Variants in TMEM41B observed in about 807,000 individuals in gnomAD.
The protein encoded by TMEM41B is transmembrane protein 41B, also known as protein stasimon.
A neutral mutation model predicts 31.9 loss-of-function variants in TMEM41B; 18 were observed. The observed-to-expected ratio is 0.56, with a 90% confidence interval of 0.39 to 0.84. The LOEUF is 0.84. Among genes scored for constraint, TMEM41B ranks in the 40% least tolerant of loss-of-function variants. The pLI is 0.00. For missense variants in TMEM41B, 322 were observed against 348.0 expected (o/e 0.93, Z 0.59); for synonymous variants, 144 against 124.3 (o/e 1.16, Z -1.05).
At chr11:9,307,448 C>A (rs1038696302) in intron 1 of TMEM41B, among the ~76,000 whole-genome samples, 6 of 147,076 alleles carry the variant, frequency 4.1e-5, no homozygotes, top group Non-Finnish European at 7.5e-5. Flanking sequence ...AAAATAAAAT[C>A]TTTTTTTTTT....
At chr11:9,291,529 GTAGC>G (rs1287986587) in intron 3 of TMEM41B, among the ~76,000 whole-genome samples, 1 of 151,438 alleles carries the variant, frequency 6.6e-6, no homozygotes, top group Non-Finnish European at 1.5e-5. Flanking sequence ...AGCCTCCCGA[GTAGC>G]TTGGATTACA....
At position 9,288,555 on chromosome 11, in the gene TMEM41B, G is replaced by A; in HGVS notation, c.369-20C>T. 4.0e-6 allele frequency: 6 copies of A among 1,490,012 alleles called. No homozygotes were observed. The highest frequency in any genetic ancestry group is 4.5e-6 in the Non-Finnish European group (5 of 1,102,566). The allele number at this position is 1,490,012 out of a possible 1,614,324, so 92.3% of individuals were successfully genotyped here. ...TGCAAGCTGGTAACTTTTAAGTTAA[G>A]GATTAGAATATAATTAAGTAGAATT... On this transcript the variant is annotated intron_variant, in intron 3 of 6. Coordinates refer to ENST00000528080, the MANE Select transcript of TMEM41B (RefSeq NM_015012.4).
intron 1 of TMEM41B, among the ~76,000 whole-genome samples, chr11:9,300,732 G>T (rs1853231868): frequency 6.6e-6 from 1 of 151,946 alleles, no homozygotes; most frequent in African/African-American, 2.4e-5. Flanking sequence ...CAAAAAATTA[G>T]CTGGGCATGG....
rs576117540 is a variant in TMEM41B at position 9,291,118 on chromosome 11, A to AAAAAAT, written c.369-2589_369-2584dup. ...GAAATAGAGTGAGACTCTGTCTCAA[A>AAAAAAT]AAAAATAAAAATAAAAATAAGGCTG... is the stretch of plus-strand genomic sequence containing the variant. On this transcript the variant is annotated intron_variant, in intron 3 of 6. Coordinates refer to ENST00000528080, the MANE Select transcript of TMEM41B (RefSeq NM_015012.4). Among the ~76,000 whole-genome samples the AAAAAAT allele has an allele frequency of 7.1e-3, 1,077 of 152,174 alleles. 17 individuals carry two copies. Among genetic ancestry groups the AAAAAAT allele is most frequent in the African/African-American group, 0.025 (1,024 of 41,494 alleles).
In TMEM41B at chr11:9,292,105, A is replaced by G. The variant is rs570816341; in HGVS notation, c.368+3154T>C. Among the ~76,000 whole-genome samples the G allele has an allele frequency of 3.9e-5, 6 of 152,252 alleles. 1 individual carries two copies. The highest frequency in any genetic ancestry group is 2.0e-4 in the Admixed American group (3 of 15,282). On this transcript the variant is annotated intron_variant, in intron 3 of 6. Transcript: ENST00000528080. ...AAGACTAGTCTGATCAGAATCTAGA[A>G]GTCCACACAAAGTATTTGCTCAAAG...
chr11:9,298,060 C>A (rs1853142730), intron 2 of TMEM41B, among the ~76,000 whole-genome samples: 1 of 50,494 alleles, frequency 2.0e-5, no homozygotes, highest in Non-Finnish European at 3.9e-5. Flanking sequence ...CAAGACCCTG[C>A]CTCAAAAAAA....
rs1853558519 is a variant in TMEM41B at position 9,311,448 on chromosome 11, T to C, written c.121+2873A>G. 4.3e-6 allele frequency: 6 copies of C among 1,405,638 alleles called. No individual in the cohort carries two copies. The East Asian group carries it at 1.4e-4, about 32-fold the overall frequency. The allele number at this position is 1,405,638 out of a possible 1,614,324, so 87.1% of individuals were successfully genotyped here. A position where few individuals can be genotyped will look rare whatever the true frequency, so the allele number is the denominator to read the frequency against. On this transcript the variant is annotated intron_variant, in intron 1 of 6. Transcript: ENST00000528080. Reference sequence around the variant, plus strand: ...AGGCATTCCAGGAGCAGACGGTGGGTATGGAGGAGGGTAGGGACCCGAGGA... The same window carrying C: ...AGGCATTCCAGGAGCAGACGGTGGGCATGGAGGAGGGTAGGGACCCGAGGA...
chr11:9,312,159 C>G (rs1259619268), intron 1 of TMEM41B, among the ~76,000 whole-genome samples: 1 of 152,182 alleles, frequency 6.6e-6, no homozygotes, highest in Non-Finnish European at 1.5e-5. Flanking sequence ...TTCACACTAA[C>G]CTTCAACCCT....
At chr11:9,292,947 TGA>T (rs1324626243) in intron 3 of TMEM41B, among the ~76,000 whole-genome samples, 1 of 152,186 alleles carries the variant, frequency 6.6e-6, no homozygotes, top group African/African-American at 2.4e-5. Flanking sequence ...GCCATCCTAA[TGA>T]GTGTGAGGTT....
intron 1 of TMEM41B, among the ~76,000 whole-genome samples, chr11:9,301,327 G>C (rs568149955): frequency 6.6e-6 from 1 of 151,456 alleles, no homozygotes; most frequent in Non-Finnish European, 1.5e-5. Flanking sequence ...CCTGGGAGGC[G>C]GAGCTTGCAG....
chr11:9,312,104 C>G (rs1344239582), intron 1 of TMEM41B, among the ~76,000 whole-genome samples: 2 of 152,304 alleles, frequency 1.3e-5, no homozygotes, highest in African/African-American at 2.4e-5. Flanking sequence ...AACAGAAACC[C>G]TCTGCTCCTG....
chr11:9,290,560 AAAAAG>A (rs1852933536), intron 3 of TMEM41B, among the ~76,000 whole-genome samples: 2 of 152,048 alleles, frequency 1.3e-5, no homozygotes, highest in Admixed American at 1.3e-4. Flanking sequence ...AATAAAAAAA[AAAAAG>A]AAAGAAAAGA....
At chr11:9,303,152 G>C (rs574692860) in intron 1 of TMEM41B, among the ~76,000 whole-genome samples, 1 of 151,632 alleles carries the variant, frequency 6.6e-6, no homozygotes, top group South Asian at 2.1e-4. Flanking sequence ...AAGTAGCTGG[G>C]ATTACAGGCA....
intron 2 of TMEM41B, among the ~76,000 whole-genome samples, chr11:9,296,544 T>C (rs1358405404): frequency 6.9e-6 from 1 of 144,366 alleles, no homozygotes; most frequent in Non-Finnish European, 1.5e-5. Context: ...GACAATCACT[T>C]GAACCCGGGA....
intron 2 of TMEM41B, among the ~76,000 whole-genome samples, chr11:9,297,230 G>A (rs1008412567): frequency 1.3e-5 from 2 of 152,120 alleles, no homozygotes; most frequent in East Asian, 3.9e-4. Flanking sequence ...GACTACGGGC[G>A]CCCGCCACCA....
chr11:9,303,751 T>C (rs2133640062), intron 1 of TMEM41B, among the ~76,000 whole-genome samples: 1 of 145,790 alleles, frequency 6.9e-6, no homozygotes, highest in Admixed American at 7.2e-5. Context: ...CACTGCAACC[T>C]CTGCCTCCCA....
chr11:9,296,664 A>T (rs1043091487), intron 2 of TMEM41B, among the ~76,000 whole-genome samples: 1 of 152,092 alleles, frequency 6.6e-6, no homozygotes, highest in African/African-American at 2.4e-5. Context: ...AGTAAATTAA[A>T]AACATTTAAC....
chr11:9,291,290 G>A (rs996613596), intron 3 of TMEM41B, among the ~76,000 whole-genome samples: 9 of 151,964 alleles, frequency 5.9e-5, no homozygotes, highest in African/African-American at 2.2e-4. Context: ...GCTGAAGCAG[G>A]AGAATTGCTT....
intron 1 of TMEM41B, 133 bp downstream of exon 1, chr11:9,314,188 C>G: frequency 8.2e-7 from 1 of 1,221,646 alleles, no homozygotes; most frequent in South Asian, 1.6e-5. Flanking sequence ...CCCCCACGGT[C>G]TCTGCTCCCG....
Sources: gnomAD v4.1 joint callset for allele counts (sites outside exome capture counted in the v4.1 genomes callset) on GRCh38, gnomAD v4.1.1 for gene constraint, MANE v1.5 for transcripts, NCBI Gene and HGNC (gene_info 2026-07-23, HGNC 2026-07-21) for gene names.